MASTL: variants seen among roughly 807,000 people sequenced by gnomAD.
MASTL encodes the protein serine/threonine-protein kinase greatwall.
In MASTL, 54 loss-of-function variants were observed where a neutral mutation model predicts 82.5. The observed-to-expected ratio is 0.65, with a 90% CI of 0.53 to 0.82. The LOEUF (loss-of-function observed/expected upper bound fraction) is 0.82, where lower values mean the gene tolerates loss of function less well. Ranked by LOEUF, MASTL falls within the 40% of genes least tolerant of loss-of-function variation. The probability of loss-of-function intolerance (pLI) is 0.00; values close to 1 mark genes in which losing one functional copy is unlikely to be tolerated. For missense variants in MASTL, 950 were observed against 1,047.8 expected (o/e 0.91, Z 1.29); for synonymous variants, 323 against 368.9 (o/e 0.88, Z 1.43).
intron 4 of MASTL, among the ~76,000 whole-genome samples, chr10:27,164,211 C>G (rs905531182): frequency 1.3e-5 from 2 of 152,208 alleles, no homozygotes; most frequent in Non-Finnish European, 2.9e-5. Flanking sequence ...GTGATGTGAT[C>G]ATAGCTTACT....
intron 2 of MASTL, among the ~76,000 whole-genome samples, 173 bp downstream of exon 2, chr10:27,158,859 A>C (rs1221756089): frequency 1.3e-5 from 2 of 152,236 alleles, no homozygotes; most frequent in Non-Finnish European, 2.9e-5. Context: ...AAAAAGAACC[A>C]ATAAGATATA....
Position 27,165,405 on chromosome 10 carries a change from A to G in MASTL, c.677A>G (p.Glu226Gly), listed in dbSNP as rs368343814. The G allele has an allele frequency of 1.9e-6, 3 of 1,613,862 alleles. No individual in the cohort carries two copies. The highest frequency in any genetic ancestry group is 1.1e-5 in the South Asian group (1 of 91,078). The change falls in exon 6 of 12, where the codon GAA becomes GGA. Residue 226 changes from glutamate to glycine, a missense_variant. By Grantham distance (98) the Glu-to-Gly change is moderately conservative. Transcript: ENST00000375940. ...SSLGFNTPIA[E>G]KNQDPANILS... The stretch of plus-strand genomic sequence containing the variant: ...TTTTAATAGAACACACCAATTGCAG[A>G]AAAAAATCAAGACCCTGCAAACATC...
intron 9 of MASTL, among the ~76,000 whole-genome samples, chr10:27,175,537 C>G (rs1230504187): frequency 1.3e-5 from 2 of 152,144 alleles, no homozygotes; most frequent in African/African-American, 4.8e-5. Context: ...ATCCAATTGT[C>G]TCTTCTCATT....
intron 8 of MASTL, among the ~76,000 whole-genome samples, chr10:27,171,821 G>GTTTA (rs1176510939): frequency 4.2e-5 from 3 of 71,244 alleles, no homozygotes; most frequent in East Asian, 4.0e-4. Flanking sequence ...TGAAAAATAT[G>GTTTA]TTTCTTTTTT....
intron 9 of MASTL, among the ~76,000 whole-genome samples, chr10:27,179,800 T>C (rs564303131): frequency 9.8e-5 from 15 of 152,316 alleles, no homozygotes; most frequent in African/African-American, 3.6e-4. Flanking sequence ...CTCCAATTAC[T>C]ATAAATGTTG....
chr10:27,155,718 G>A, intron 1 of MASTL, 106 bp downstream of exon 1: 1 of 1,318,638 alleles, frequency 7.6e-7, no homozygotes, highest in Non-Finnish European at 1.1e-6. Context: ...GAGTCTGGGT[G>A]GCCTGGCTTG....
chr10:27,187,391 T>C lies in MASTL; in HGVS notation c.*855T>C, dbSNP rs2136304144. ...AAAAGACTAAGGCTTTCACTTACTT[T>C]ACTAATGATACGGTTTTGCCACCTT... On this transcript the variant is annotated 3_prime_UTR_variant, in exon 12 of 12. Transcript: ENST00000375940. 6.6e-6 allele frequency among the ~76,000 whole-genome samples: 1 copy of C among 152,344 alleles called. No homozygotes were observed. Among genetic ancestry groups the C allele is most frequent in the South Asian group, 2.1e-4 (1 of 4,828 alleles).
chr10:27,155,280 T>G (rs1249138418), upstream of MASTL: 54 of 728,356 alleles, frequency 7.4e-5, no homozygotes, highest in Middle Eastern at 4.0e-4. Flanking sequence ...CGCGTCTGCG[T>G]AGGGGAGGTG....
Position 27,158,624 on chromosome 10 carries a change from A to G in MASTL, c.262A>G (p.Ser88Gly). 6.2e-7 allele frequency: 1 copy of G among 1,613,860 alleles called. No homozygotes were observed. The highest frequency in any genetic ancestry group is 8.5e-7 in the Non-Finnish European group (1 of 1,179,694). The change falls in exon 2 of 12, where the codon AGC (serine) becomes GGC (glycine). Residue 88 changes from serine (S) to glycine (G), a missense_variant. Transcript: ENST00000375940. ...VQAERDALAL[S>G]KSPFIVHLYY... ...AGCTGAGAGAGATGCACTGGCACTA[A>G]GCAAAAGCCCATTCATTGTCCATTT...
intron 9 of MASTL, chr10:27,177,843 C>A: frequency 1.1e-6 from 1 of 937,024 alleles, no homozygotes; most frequent in Non-Finnish European, 1.3e-6. Flanking sequence ...TAAAGTAATG[C>A]GGCAAAGCAC....
intron 11 of MASTL, among the ~76,000 whole-genome samples, chr10:27,184,474 T>C (rs1230519014): frequency 1.3e-5 from 2 of 151,850 alleles, no homozygotes; most frequent in African/African-American, 4.8e-5. Flanking sequence ...TGTAGTATTA[T>C]TTCAGAATAG....
In MASTL at chr10:27,168,352, G is replaced by C. The variant is rs182748844; in HGVS notation, c.984+1078G>C. Among the ~76,000 whole-genome samples, 28 of 152,184 alleles carry C rather than the reference G, an allele frequency of 1.8e-4. 1 individual carries two copies. The highest frequency in any genetic ancestry group is 4.8e-4 in the African/African-American group (20 of 41,510). On this transcript the variant is annotated intron_variant, in intron 7 of 11. Transcript: ENST00000375940. ...TGTTTACTATTTCAAATTATACACA[G>C]CTTTACTATCCTCCCACTTCTGCAT...
chr10:27,154,529 T>C (rs1041930049), upstream of MASTL: 1 of 463,594 alleles, frequency 2.2e-6, no homozygotes, highest in Non-Finnish European at 3.9e-6. Context: ...TTAGCTGTTT[T>C]TTAAGGGGAG....
At chr10:27,160,912 A>G (rs994133466) in intron 3 of MASTL, among the ~76,000 whole-genome samples, 182 bp from the exon 4 acceptor site, 1 of 152,242 alleles carries the variant, frequency 6.6e-6, no homozygotes, top group African/African-American at 2.4e-5. Flanking sequence ...TCTGATAAAC[A>G]GTACGAAAGA....
chr10:27,171,821 G>GTTTATTTTTTT (rs1176510939), intron 8 of MASTL, among the ~76,000 whole-genome samples: 4 of 71,240 alleles, frequency 5.6e-5, no homozygotes, highest in East Asian at 8.0e-4. Flanking sequence ...TGAAAAATAT[G>GTTTATTTTTTT]TTTCTTTTTT....
chr10:27,170,868 G>A lies in MASTL; in HGVS notation c.1909G>A (p.Gly637Ser). The A allele has an allele frequency of 6.2e-7, 1 of 1,614,144 alleles. No individual in the cohort carries two copies. The highest frequency in any genetic ancestry group is 8.5e-7 in the Non-Finnish European group (1 of 1,180,018). ...ACAAGAGAGTAACCAAAAAATGTTA[G>A]GTCCTCCTTTGGAGGTGCTGAAAAC... ...AVQESNQKML[G>S]PPLEVLKTLA... Residue 637 changes from glycine (G) to serine (S), a missense_variant, in exon 8 of 12, where the codon GGT becomes AGT. Transcript: ENST00000375940.
At chr10:27,169,198 A>G (rs919321954) in intron 7 of MASTL, among the ~76,000 whole-genome samples, 1 of 152,156 alleles carries the variant, frequency 6.6e-6, no homozygotes, top group Non-Finnish European at 1.5e-5. Flanking sequence ...ATATATTTAC[A>G]CTGACAATAT....
intron 9 of MASTL, among the ~76,000 whole-genome samples, chr10:27,178,123 G>T (rs1191665875): frequency 6.6e-6 from 1 of 152,186 alleles, no homozygotes. Flanking sequence ...TGGGCACTGT[G>T]GCTCACGCCT....
At chr10:27,175,276 G>A (rs1036611312) in intron 9 of MASTL, among the ~76,000 whole-genome samples, 3 of 151,898 alleles carry the variant, frequency 2.0e-5, no homozygotes, top group East Asian at 1.9e-4. Context: ...TCCGTCTCCC[G>A]GGTTCAAGAT....
Sources: gnomAD v4.1 joint callset for allele counts (sites outside exome capture counted in the v4.1 genomes callset) on GRCh38, gnomAD v4.1.1 for gene constraint, MANE v1.5 for transcripts, NCBI Gene and HGNC (gene_info 2026-07-23, HGNC 2026-07-21) for gene names.